The following PRDM16 variants were observed in gnomAD, a reference collection of about 807,000 sequenced individuals.
The protein encoded by PRDM16 is histone-lysine N-methyltransferase PRDM16.
A neutral mutation model predicts 110.6 loss-of-function variants in PRDM16; 23 were observed. The ratio of observed to expected loss-of-function variants is 0.21; its 90% confidence interval spans 0.15 to 0.29. The LOEUF is 0.29. Ranked by LOEUF, PRDM16 falls within the 10% of genes least tolerant of loss-of-function variation. The probability of loss-of-function intolerance (pLI) is 1.00; values close to 1 mark genes in which losing one functional copy is unlikely to be tolerated. For missense variants in PRDM16, 1,615 were observed against 1,794.3 expected (o/e 0.90, Z 1.81); for synonymous variants, 799 against 781.8 (o/e 1.02, Z -0.37).
rs527794998 is a variant in PRDM16 at position 3,096,274 on chromosome 1, C to T, written c.37+26978C>T. On this transcript the variant is annotated intron_variant, in intron 1 of 16. Transcript: ENST00000270722. Reference sequence around the variant, plus strand: ...AACCTCCCTGCTCATGGCAGTTCCCCACAAGGCAGCCTCCTCGCTGTCCTG... The same window carrying T: ...AACCTCCCTGCTCATGGCAGTTCCCTACAAGGCAGCCTCCTCGCTGTCCTG... Among the ~76,000 whole-genome samples, 316 of 152,252 alleles carry T rather than the reference C, an allele frequency of 2.1e-3. 1 individual carries two copies. Among genetic ancestry groups the T allele is most frequent in the Non-Finnish European group, 3.9e-3 (265 of 68,016 alleles).
At chr1:3,256,845 C>CAA (rs1640060100) in intron 3 of PRDM16, among the ~76,000 whole-genome samples, 3 of 147,444 alleles carry the variant, frequency 2.0e-5, no homozygotes, top group South Asian at 2.2e-4. Flanking sequence ...CGACAGAGTG[C>CAA]GACTCCATCT....
intron 1 of PRDM16, among the ~76,000 whole-genome samples, chr1:3,124,527 C>G (rs1268327122): frequency 6.6e-6 from 1 of 152,232 alleles, no homozygotes; most frequent in Non-Finnish European, 1.5e-5. Context: ...ATGCTTACCA[C>G]TATAGCACCA....
At chr1:3,124,838 G>T (rs780742082) in intron 1 of PRDM16, among the ~76,000 whole-genome samples, 4 of 152,176 alleles carry the variant, frequency 2.6e-5, no homozygotes, top group Non-Finnish European at 4.4e-5. Context: ...CCAGGGCCAG[G>T]CCTCAATCCA....
intron 3 of PRDM16, among the ~76,000 whole-genome samples, chr1:3,381,655 C>T (rs1643104480): frequency 6.6e-6 from 1 of 152,158 alleles, no homozygotes; most frequent in Non-Finnish European, 1.5e-5. Context: ...TCTCAAAGTG[C>T]TGGGATTATA....
intron 3 of PRDM16, among the ~76,000 whole-genome samples, chr1:3,322,087 CAT>C (rs111996349): frequency 0.034 from 5,207 of 151,052 alleles, 319 homozygotes; most frequent in African/African-American, 0.12. Context: ...TGAGGCTGCA[CAT>C]ATGTGTGCGG....
intron 2 of PRDM16, among the ~76,000 whole-genome samples, chr1:3,188,712 T>G (rs2817138): frequency 0.79 from 120,205 of 152,138 alleles, 48,184 homozygotes; most frequent in Non-Finnish European, 0.86. Context: ...TGGGACCACC[T>G]TTGAGTTTTG....
intron 3 of PRDM16, chr1:3,309,920 G>C (rs894004996): frequency 6.6e-6 from 1 of 152,192 alleles, no homozygotes; most frequent in African/African-American, 2.4e-5. Context: ...CCCCAGAGCA[G>C]CCTCTCCCCA....
rs112278753 is a variant in PRDM16 at position 3,201,126 on chromosome 1, T to C, written c.387+14652T>C. Among the ~76,000 whole-genome samples, 1 of 151,746 alleles carries C rather than the reference T, an allele frequency of 6.6e-6. No homozygotes were observed. The highest frequency in any genetic ancestry group is 1.5e-5 in the Non-Finnish European group (1 of 67,912). ...CAGAAGGACATCAGGACCCCTGAGT[T>C]TTGGGAGCATAGACCACGCTGCCTT... On this transcript the variant is annotated intron_variant, in intron 2 of 16. Coordinates refer to ENST00000270722, the MANE Select transcript of PRDM16 (RefSeq NM_022114.4). The surrounding 1 kb of genome is among the most constrained non-coding windows in gnomAD (Gnocchi z 4.1).
chr1:3,431,890 G>A (rs926279707), intron 15 of PRDM16, 76 bp from the exon 16 acceptor site: 32 of 1,499,360 alleles, frequency 2.1e-5, no homozygotes, highest in Non-Finnish European at 2.5e-5. Flanking sequence ...CCCGGAGCTG[G>A]GCTTGCAGCA....
intron 3 of PRDM16, among the ~76,000 whole-genome samples, chr1:3,314,071 CGGG>C (rs747479644): frequency 9.9e-6 from 1 of 100,654 alleles, no homozygotes; most frequent in African/African-American, 6.1e-5. Context: ...CCTTCCCCAC[CGGG>C]GGGGGGGGCG....
At chr1:3,193,314 G>A (rs988707960) in intron 2 of PRDM16, among the ~76,000 whole-genome samples, 2 of 152,242 alleles carry the variant, frequency 1.3e-5, no homozygotes, top group East Asian at 1.9e-4. Flanking sequence ...GGGATGGAGC[G>A]GCAGCTCCCA....
intron 8 of PRDM16, among the ~76,000 whole-genome samples, chr1:3,406,491 C>T (rs577862868): frequency 2.8e-4 from 43 of 152,010 alleles, no homozygotes; most frequent in South Asian, 1.3e-3. Context: ...ACACTTTGGG[C>T]GGCCCAGGCA....
intron 2 of PRDM16, among the ~76,000 whole-genome samples, chr1:3,231,700 G>A (rs536489728): frequency 1.2e-4 from 18 of 152,370 alleles, no homozygotes; most frequent in Admixed American, 8.5e-4. Context: ...TTGGCCGTAC[G>A]TCTGCCCACA....
At chr1:3,283,067 C>T (rs1640746032) in intron 3 of PRDM16, among the ~76,000 whole-genome samples, 1 of 152,236 alleles carries the variant, frequency 6.6e-6, no homozygotes, top group African/African-American at 2.4e-5. Context: ...GGCAGCGCTT[C>T]CCGAGCAGGT....
intron 2 of PRDM16, among the ~76,000 whole-genome samples, chr1:3,230,926 A>T (rs181014785): frequency 1.3e-5 from 2 of 152,088 alleles, no homozygotes; most frequent in East Asian, 3.9e-4. Flanking sequence ...GGGACAGATG[A>T]GCCACCTCTG....
chr1:3,113,848 G>A (rs1410024918), intron 1 of PRDM16, among the ~76,000 whole-genome samples: 1 of 152,238 alleles, frequency 6.6e-6, no homozygotes, highest in Non-Finnish European at 1.5e-5. Context: ...CCCTCAGGCC[G>A]GCTCTGGGCT....
chr1:3,303,704 C>T (rs1641254107), intron 3 of PRDM16, among the ~76,000 whole-genome samples: 1 of 152,250 alleles, frequency 6.6e-6, no homozygotes, highest in African/African-American at 2.4e-5. Context: ...CTAACTTCCC[C>T]ACATCCTTGC....
At chr1:3,226,510 C>T (rs867569148) in intron 2 of PRDM16, among the ~76,000 whole-genome samples, 1 of 152,150 alleles carries the variant, frequency 6.6e-6, no homozygotes, top group African/African-American at 2.4e-5. Flanking sequence ...AAACATCTTT[C>T]CCTGAAATGT....
intron 15 of PRDM16, among the ~76,000 whole-genome samples, chr1:3,431,489 G>A (rs951382813): frequency 6.6e-6 from 1 of 152,244 alleles, no homozygotes; most frequent in South Asian, 2.1e-4. Context: ...TTCTGTGCCG[G>A]CCAGGGCCAC....
Sources: gnomAD v4.1 joint callset for allele counts (sites outside exome capture counted in the v4.1 genomes callset) on GRCh38, gnomAD v4.1.1 for gene constraint, Gnocchi (gnomAD v3.1) non-coding constraint, MANE v1.5 for transcripts, NCBI Gene and HGNC (gene_info 2026-07-23, HGNC 2026-07-21) for gene names.